The following ITPK1 variants were observed in gnomAD, a reference collection of about 807,000 sequenced individuals.
The protein encoded by ITPK1 is inositol 1,3,4-trisphosphate 5/6-kinase.
Under a neutral mutation model 45.3 loss-of-function variants are expected in ITPK1, and 21 were observed. The observed-to-expected ratio is 0.46, with a 90% CI of 0.33 to 0.67. The LOEUF is 0.67. Ranked by LOEUF, ITPK1 falls within the 30% of genes least tolerant of loss-of-function variation. The pLI is 0.02. For synonymous variants in ITPK1, 258 were observed against 253.6 expected (o/e 1.02, Z -0.16); for missense variants, 474 against 573.5 (o/e 0.83, Z 1.77).
At chr14:93,091,079 AG>A (rs1469929169) in intron 2 of ITPK1, among the ~76,000 whole-genome samples, 2 of 152,234 alleles carry the variant, frequency 1.3e-5, no homozygotes, top group African/African-American at 2.4e-5. Flanking sequence ...AAGGAAAGGC[AG>A]GAAGAGGAAG....
chr14:92,941,700 T>C lies in ITPK1; in HGVS notation c.1106A>G (p.Asp369Gly). 1.9e-6 allele frequency: 3 copies of C among 1,564,082 alleles called. No homozygotes were observed. Among genetic ancestry groups the C allele is most frequent in the Non-Finnish European group, 2.6e-6 (3 of 1,157,400 alleles). The change falls in exon 11 of 11, where the codon GAC (aspartate) becomes GGC (glycine). Residue 369 changes from aspartate (D) to glycine (G), a missense_variant. Coordinates refer to ENST00000267615, the MANE Select transcript of ITPK1 (RefSeq NM_014216.6). Reference sequence around the variant, plus strand: ...GTCGGCCTCAGCCTTCCAGGGCGCGTCCTGGCCCATCATGCTGCCGCAGCA... The same window carrying C: ...GTCGGCCTCAGCCTTCCAGGGCGCGCCCTGGCCCATCATGCTGCCGCAGCA... ...PGCCGSMMGQDAPWKAEADAG... is the reference protein window; with the variant it reads ...PGCCGSMMGQGAPWKAEADAG...
In ITPK1 at chr14:93,100,551, A is replaced by G. The variant is rs2140021948; in HGVS notation, c.95+14518T>C. On this transcript the variant is annotated intron_variant, in intron 2 of 10. Transcript: ENST00000267615. ...GGAGAGAGGAGGGAGAGAGAGAGAG[A>G]GAGAGACAGAGAGAGAGAGAGACAG... Among the ~76,000 whole-genome samples, 3 of 147,036 alleles carry G rather than the reference A, an allele frequency of 2.0e-5. No individual in the cohort carries two copies. In the South Asian group the frequency reaches 7.1e-4, roughly 35 times the overall value.
intron 5 of ITPK1, among the ~76,000 whole-genome samples, chr14:92,969,403 C>A (rs1156785968): frequency 6.6e-6 from 1 of 152,040 alleles, no homozygotes; most frequent in Non-Finnish European, 1.5e-5. Flanking sequence ...GGTGGGGAGG[C>A]GCCAACGAGG....
chr14:93,001,229 G>A (rs1887336403), intron 4 of ITPK1, among the ~76,000 whole-genome samples: 1 of 152,094 alleles, frequency 6.6e-6, no homozygotes, highest in Non-Finnish European at 1.5e-5. Context: ...GGAGGCAGAG[G>A]TTGCATGAGC....
intron 5 of ITPK1, among the ~76,000 whole-genome samples, chr14:92,966,974 T>C (rs1885403243): frequency 6.6e-6 from 1 of 152,196 alleles, no homozygotes; most frequent in South Asian, 2.1e-4. Context: ...TTATAACAGC[T>C]AGAACTACAA....
chr14:92,980,832 G>A lies in ITPK1; in HGVS notation c.364+13048C>T, dbSNP rs574240637. On this transcript the variant is annotated intron_variant, in intron 5 of 10. Coordinates refer to ENST00000267615, the MANE Select transcript of ITPK1 (RefSeq NM_014216.6). The stretch of plus-strand genomic sequence containing the variant: ...AAGCAATTCTCCTGCCTCAGCCTCC[G>A]AAGTAGCTGGGACTACAGGCACGTG... 1.4e-4 allele frequency among the ~76,000 whole-genome samples: 21 copies of A among 152,140 alleles called. No individual in the cohort carries two copies. In the East Asian group the frequency reaches 3.3e-3, roughly 24 times the overall value.
intron 2 of ITPK1, among the ~76,000 whole-genome samples, chr14:93,081,713 G>C (rs752827113): frequency 2.6e-5 from 4 of 152,238 alleles, no homozygotes; most frequent in Admixed American, 1.3e-4. Context: ...ACTTAGAGAG[G>C]AGTAAGGTGA....
intron 3 of ITPK1, among the ~76,000 whole-genome samples, chr14:93,050,871 T>G (rs1434256525): frequency 6.6e-6 from 1 of 151,582 alleles, no homozygotes; most frequent in African/African-American, 2.4e-5. Context: ...CTGGCAGAGG[T>G]ACCTGTGCAG....
intron 4 of ITPK1, among the ~76,000 whole-genome samples, chr14:92,997,533 C>T (rs1175706479): frequency 2.0e-5 from 3 of 152,224 alleles, no homozygotes; most frequent in Non-Finnish European, 2.9e-5. Context: ...TATCCACAAG[C>T]GGACTTTGTG....
intron 3 of ITPK1, among the ~76,000 whole-genome samples, chr14:93,046,601 G>C (rs1367739747): frequency 6.8e-6 from 1 of 146,812 alleles, no homozygotes; most frequent in Non-Finnish European, 1.5e-5. Flanking sequence ...GGGCGGGGGG[G>C]GGCGGCGGGG....
chr14:92,941,720 G>T lies in ITPK1; in HGVS notation c.1086C>A (p.Cys362Ter). The T allele has an allele frequency of 6.3e-7, 1 of 1,580,886 alleles. No individual in the cohort carries two copies. The highest frequency in any genetic ancestry group is 2.3e-5 in the East Asian group (1 of 43,268). Residue 362 changes from cysteine (C) to a stop codon, truncating the protein, a stop_gained, in exon 11 of 11, where the codon TGC (cysteine) becomes TGA (stop). Transcript: ENST00000267615. LOFTEE classifies it high-confidence loss of function. Reference protein sequence around the residue: ...ERTCSASPGCCGSMMGQDAPW... With the variant: ...ERTCSASPGC ...GCGCGTCCTGGCCCATCATGCTGCCGCAGCAGCCGGGGCTGGCGCTGCATG... is the reference window on the plus strand; with the variant it reads ...GCGCGTCCTGGCCCATCATGCTGCCTCAGCAGCCGGGGCTGGCGCTGCATG...
At chr14:92,983,182 G>C (rs1172298539) in intron 5 of ITPK1, among the ~76,000 whole-genome samples, 2 of 152,198 alleles carry the variant, frequency 1.3e-5, no homozygotes, top group Admixed American at 6.5e-5. Context: ...CCCGATGTCT[G>C]AGTCTGGCGG....
At chr14:93,059,964 A>G (rs904168435) in intron 3 of ITPK1, among the ~76,000 whole-genome samples, 1 of 151,700 alleles carries the variant, frequency 6.6e-6, no homozygotes, top group Admixed American at 6.6e-5. Context: ...CCTGGCTCTG[A>G]GCCTGGGAGG....
chr14:93,030,489 G>T (rs1010353459), intron 3 of ITPK1, among the ~76,000 whole-genome samples: 1 of 152,172 alleles, frequency 6.6e-6, no homozygotes, highest in South Asian at 2.1e-4. Flanking sequence ...AGTGAACAGA[G>T]TAAGTTTGTG....
At chr14:93,102,737 A>T (rs1892369642) in intron 2 of ITPK1, among the ~76,000 whole-genome samples, 1 of 152,126 alleles carries the variant, frequency 6.6e-6, no homozygotes, top group Non-Finnish European at 1.5e-5. Flanking sequence ...CGGGCGATCG[A>T]TCAAGCTCAG....
At position 92,962,326 on chromosome 14, in the gene ITPK1, G is replaced by A. The variant is rs894811335; in HGVS notation, c.504+29C>T. On this transcript the variant is annotated intron_variant, in intron 7 of 10. Coordinates refer to ENST00000267615, the MANE Select transcript of ITPK1 (RefSeq NM_014216.6). Reference sequence around the variant, plus strand: ...GATGAGCTGAAAGGATGGGGGTCAGGGACAACAGTCAGATCTTCTTCCACT... The same window carrying A: ...GATGAGCTGAAAGGATGGGGGTCAGAGACAACAGTCAGATCTTCTTCCACT... 3.8e-6 allele frequency: 6 copies of A among 1,565,550 alleles called. No homozygotes were observed. In the African/African-American group the frequency reaches 8.1e-5, roughly 21 times the overall value.
At chr14:93,031,165 G>T (rs560251831) in intron 3 of ITPK1, among the ~76,000 whole-genome samples, 1 of 152,246 alleles carries the variant, frequency 6.6e-6, no homozygotes, top group East Asian at 1.9e-4. Context: ...TCTAAGGAAG[G>T]CCTGGGCAAG....
intron 3 of ITPK1, among the ~76,000 whole-genome samples, chr14:93,042,635 G>A (rs1170985495): frequency 6.6e-6 from 1 of 152,170 alleles, no homozygotes; most frequent in African/African-American, 2.4e-5. Flanking sequence ...ACAGGGCACT[G>A]GGGCTTGTGG....
At chr14:92,982,604 G>GT (rs1886289581) in intron 5 of ITPK1, among the ~76,000 whole-genome samples, 1 of 152,136 alleles carries the variant, frequency 6.6e-6, no homozygotes, top group East Asian at 1.9e-4. Context: ...ATTTCAGCCC[G>GT]TGACACCCTG....
Sources: gnomAD v4.1 joint callset for allele counts (sites outside exome capture counted in the v4.1 genomes callset) on GRCh38, gnomAD v4.1.1 for gene constraint, MANE v1.5 for transcripts, NCBI Gene and HGNC (gene_info 2026-07-23, HGNC 2026-07-21) for gene names.